The following FAM227B variants were observed in gnomAD, a reference collection of about 807,000 sequenced individuals.
FAM227B encodes the protein protein FAM227B.
FAM227B carries 88 observed loss-of-function variants against 73.8 expected under a neutral mutation model. The ratio of observed to expected loss-of-function variants is 1.19; its 90% CI spans 1.00 to 1.42. The LOEUF is 1.42. FAM227B is among the 40% of genes most tolerant of loss of function. The probability of loss-of-function intolerance (pLI) is 0.00; values close to 1 mark genes in which losing one functional copy is unlikely to be tolerated. For missense variants in FAM227B, 632 were observed against 590.9 expected (o/e 1.07, Z -0.72); for synonymous variants, 210 against 190.5 (o/e 1.10, Z -0.84).
At position 49,557,747 on chromosome 15, in the gene FAM227B, G is replaced by A. The variant is rs117259199; in HGVS notation, c.747+10498C>T. On this transcript the variant is annotated intron_variant, in intron 9 of 15. Coordinates refer to ENST00000299338, the MANE Select transcript of FAM227B (RefSeq NM_152647.3). ...TTCTGTGATAGACCTTTGCAATCCC[G>A]GACATGAGAGATATTCCTGACCCCC... Among the ~76,000 whole-genome samples, 231 of 152,242 alleles carry A rather than the reference G, an allele frequency of 1.5e-3. 1 individual carries two copies. The East Asian group carries it at 0.033, about 22-fold the overall frequency.
intron 2 of FAM227B, among the ~76,000 whole-genome samples, chr15:49,613,860 A>C (rs1342301671): frequency 6.6e-6 from 1 of 152,208 alleles, no homozygotes. Flanking sequence ...TATGGGAAAC[A>C]GGGAACTCTA....
At chr15:49,535,294 T>C (rs572046958) in intron 10 of FAM227B, among the ~76,000 whole-genome samples, 3 of 151,784 alleles carry the variant, frequency 2.0e-5, no homozygotes, top group East Asian at 1.9e-4. Context: ...TTATGAATAA[T>C]TATATGCCAT....
chr15:49,444,991 T>C (rs571265641), intron 11 of FAM227B, among the ~76,000 whole-genome samples: 6 of 151,814 alleles, frequency 4.0e-5, no homozygotes, highest in Non-Finnish European at 8.9e-5. Flanking sequence ...TTCTGATTCA[T>C]ATTCATATAT....
At chr15:49,527,125 TA>T (rs1421610637) in intron 10 of FAM227B, among the ~76,000 whole-genome samples, 2 of 151,776 alleles carry the variant, frequency 1.3e-5, no homozygotes, top group African/African-American at 2.4e-5. Flanking sequence ...AACACGGATG[TA>T]AAAATTTTCA....
At chr15:49,596,686 G>A (rs1410706506) in intron 3 of FAM227B, among the ~76,000 whole-genome samples, 1 of 151,874 alleles carries the variant, frequency 6.6e-6, no homozygotes, top group African/African-American at 2.4e-5. Context: ...TGGCAGAATG[G>A]ATAAGAATTC....
At chr15:49,531,262 A>G (rs1488865870) in intron 10 of FAM227B, among the ~76,000 whole-genome samples, 1 of 151,842 alleles carries the variant, frequency 6.6e-6, no homozygotes, top group East Asian at 1.9e-4. Flanking sequence ...TATATTATGT[A>G]TTGTGTATGC....
intron 13 of FAM227B, chr15:49,365,155 A>T: frequency 1.3e-6 from 1 of 747,582 alleles, no homozygotes; most frequent in Non-Finnish European, 2.4e-6. Flanking sequence ...CAGACATCAC[A>T]GGGTTTTCTT....
rs56097665 is a variant in FAM227B at position 49,479,599 on chromosome 15, G to GTTTTT, written c.1012+28607_1012+28611dup. Among the ~76,000 whole-genome samples the GTTTTT allele has an allele frequency of 2.7e-4, 17 of 63,322 alleles. 2 individuals are homozygous for GTTTTT. The highest frequency in any genetic ancestry group is 8.2e-4 in the African/African-American group (13 of 15,942). 41.5% of individuals were successfully genotyped at this position (63,322 alleles called of 152,430 possible). On this transcript the variant is annotated intron_variant, in intron 11 of 15. Coordinates refer to ENST00000299338, the MANE Select transcript of FAM227B (RefSeq NM_152647.3). ...GTAGGATTTCATAGTTAATACCTCT[G>GTTTTT]TTTTTTTTTTTTTTTTTTTTTTTTT...
intron 9 of FAM227B, among the ~76,000 whole-genome samples, chr15:49,542,690 T>C (rs1182348360): frequency 6.7e-6 from 1 of 149,964 alleles, no homozygotes. Flanking sequence ...AATGGCTGAG[T>C]AGTATTCCAT....
intron 10 of FAM227B, among the ~76,000 whole-genome samples, chr15:49,532,121 A>C (rs1597950193): frequency 6.6e-6 from 1 of 150,694 alleles, no homozygotes; most frequent in African/African-American, 2.4e-5. Context: ...TAGATAAATG[A>C]TAACAGATAT....
At chr15:49,551,524 A>C (rs556639308) in intron 9 of FAM227B, among the ~76,000 whole-genome samples, 1 of 152,298 alleles carries the variant, frequency 6.6e-6, no homozygotes, top group Admixed American at 6.5e-5. Flanking sequence ...TCGGCAACAG[A>C]ACAATGAGTC....
At chr15:49,549,302 CTT>C (rs1491057713) in intron 9 of FAM227B, among the ~76,000 whole-genome samples, 1 of 150,612 alleles carries the variant, frequency 6.6e-6, no homozygotes, top group African/African-American at 2.4e-5. Flanking sequence ...ATTTTCTTCT[CTT>C]ATTGATTTGC....
chr15:49,594,498 C>T (rs2076779719), intron 3 of FAM227B, among the ~76,000 whole-genome samples: 1 of 152,096 alleles, frequency 6.6e-6, no homozygotes, highest in Admixed American at 6.5e-5. Flanking sequence ...GAAGTCTTTG[C>T]CTCTGCCAAT....
At chr15:49,428,509 AC>A (rs1222818749) in intron 11 of FAM227B, among the ~76,000 whole-genome samples, 2 of 151,940 alleles carry the variant, frequency 1.3e-5, no homozygotes, top group African/African-American at 4.8e-5. Context: ...TTACTGCTGC[AC>A]CAGGCAGTCC....
At chr15:49,494,256 A>AACACACACAC (rs374477211) in intron 11 of FAM227B, among the ~76,000 whole-genome samples, 70 of 140,710 alleles carry the variant, frequency 5.0e-4, no homozygotes, top group African/African-American at 1.8e-3. Context: ...GAGACACACA[A>AACACACACAC]ACACACACAC....
intron 9 of FAM227B, among the ~76,000 whole-genome samples, chr15:49,560,365 A>C (rs1331115493): frequency 6.6e-6 from 1 of 152,226 alleles, no homozygotes; most frequent in Non-Finnish European, 1.5e-5. Flanking sequence ...AGTATCAAAA[A>C]AATGGTATTA....
Position 49,359,558 on chromosome 15 carries a change from A to G in FAM227B, c.1271+7890T>C, listed in dbSNP as rs1181538932. On this transcript the variant is annotated intron_variant, in intron 13 of 15. Transcript: ENST00000299338. ...AATGAGATACCATCTCACACCAGTT[A>G]GAATGGCAATCATTAAAAAGTCAGG... 2.6e-5 allele frequency among the ~76,000 whole-genome samples: 3 copies of G among 117,202 alleles called. 1 individual carries two copies. Among genetic ancestry groups the G allele is most frequent in the East Asian group, 4.9e-4 (2 of 4,048 alleles). 76.9% of individuals were successfully genotyped at this position (117,202 alleles called of 152,430 possible). A position where few individuals can be genotyped will look rare whatever the true frequency, so the allele number is the denominator to read the frequency against.
intron 12 of FAM227B, among the ~76,000 whole-genome samples, chr15:49,370,466 T>C (rs1435466609): frequency 3.9e-5 from 6 of 152,232 alleles, no homozygotes; most frequent in African/African-American, 1.4e-4. Context: ...AATTGACTTC[T>C]ATACATCACC....
chr15:49,349,794 T>C (rs984055330), intron 13 of FAM227B, among the ~76,000 whole-genome samples: 6 of 152,128 alleles, frequency 3.9e-5, no homozygotes, highest in Non-Finnish European at 5.9e-5. Flanking sequence ...GTTGAAGCCA[T>C]GTGTATGGAC....
Sources: allele counts gnomAD v4.1 joint callset (sites outside exome capture counted in the v4.1 genomes callset), GRCh38; gene constraint gnomAD v4.1.1; transcripts MANE v1.5; gene names NCBI Gene and HGNC (gene_info 2026-07-23, HGNC 2026-07-21).